The following SLC26A3 variants were observed in gnomAD, a reference collection of about 807,000 sequenced individuals.
SLC26A3 encodes solute carrier family 26 member 3, also known as chloride anion exchanger.
SLC26A3 carries 64 observed loss-of-function variants against 85.6 expected under a neutral mutation model. The ratio of observed to expected loss-of-function variants is 0.75; its 90% CI spans 0.61 to 0.92. The LOEUF (loss-of-function observed/expected upper bound fraction) is 0.92, where lower values mean the gene tolerates loss of function less well. SLC26A3 is among the 40% of genes least tolerant of loss of function. The probability of loss-of-function intolerance (pLI) is 0.00; values close to 1 mark genes in which losing one functional copy is unlikely to be tolerated. For missense variants in SLC26A3, 922 were observed against 927.3 expected (o/e 0.99, Z 0.07); for synonymous variants, 349 against 336.0 (o/e 1.04, Z -0.42).
chr7:107,787,422 C>A lies in SLC26A3; in HGVS notation c.823G>T (p.Val275Phe), dbSNP rs551523055. The A allele has an allele frequency of 1.2e-6, 2 of 1,613,946 alleles. No homozygotes were observed. Among genetic ancestry groups the A allele is most frequent in the East Asian group, 2.2e-5 (1 of 44,854 alleles). Residue 275 changes from valine (V) to phenylalanine (F), a missense_variant, in exon 7 of 21, where the codon GTT (valine) becomes TTT (phenylalanine). Transcript: ENST00000340010. ...ALIVLLVVSIVKEINQRFKDK... is the reference protein window; with the variant it reads ...ALIVLLVVSIFKEINQRFKDK... Reference sequence around the variant, plus strand: ...TTGAAGCGCTGATTTATTTCTTTAACAATGGATACAACCAAAAGGACAATC... The same window carrying A: ...TTGAAGCGCTGATTTATTTCTTTAAAAATGGATACAACCAAAAGGACAATC...
At chr7:107,797,740 C>CTTT (rs375903590) in intron 1 of SLC26A3, among the ~76,000 whole-genome samples, 1 of 127,446 alleles carries the variant, frequency 7.8e-6, no homozygotes, top group African/African-American at 3.3e-5. Context: ...TGAGCAGGAC[C>CTTT]TTTTTTTTTT....
chr7:107,789,169 T>C (rs1794350492), intron 6 of SLC26A3, among the ~76,000 whole-genome samples: 1 of 149,152 alleles, frequency 6.7e-6, no homozygotes, highest in Non-Finnish European at 1.5e-5. Context: ...CAGGCTGGAG[T>C]GCAGTGGCGT....
At chr7:107,801,555 A>G (rs1033993735) in intron 1 of SLC26A3, among the ~76,000 whole-genome samples, 2 of 152,222 alleles carry the variant, frequency 1.3e-5, no homozygotes, top group Non-Finnish European at 2.9e-5. Context: ...GAGAAGCACC[A>G]GACTGTGTTA....
chr7:107,777,982 T>C (rs1457029286), intron 13 of SLC26A3, among the ~76,000 whole-genome samples, 193 bp downstream of exon 13: 2 of 152,224 alleles, frequency 1.3e-5, no homozygotes, highest in African/African-American at 4.8e-5. Context: ...TGGGCTGATG[T>C]TCTAAAGCTG....
In SLC26A3 at chr7:107,778,273, C is replaced by G. The variant is rs1304534644; in HGVS notation, c.1416G>C (p.Trp472Cys). The stretch of plus-strand genomic sequence containing the variant: ...CAATGGTGAAGATGAAGGTCATGAT[C>G]CAAATTAACTGTGAAAAGAAAGCAA... ...WRKDKYDCLI[W>C]IMTFIFTIVL... is the part of the protein sequence containing the mutation. The change falls in exon 13 of 21, where the codon TGG becomes TGC. Residue 472 changes from tryptophan to cysteine, a missense_variant. Transcript: ENST00000340010. The G allele has an allele frequency of 6.2e-7, 1 of 1,608,224 alleles. No individual in the cohort carries two copies. Among genetic ancestry groups the G allele is most frequent in the Non-Finnish European group, 8.5e-7 (1 of 1,175,890 alleles).
intron 18 of SLC26A3, among the ~76,000 whole-genome samples, chr7:107,769,055 T>C (rs562182932): frequency 1.8e-4 from 28 of 152,108 alleles, no homozygotes; most frequent in African/African-American, 6.0e-4. Flanking sequence ...AAGGGTAAAA[T>C]TGTTAGTAAA....
intron 18 of SLC26A3, among the ~76,000 whole-genome samples, chr7:107,771,493 C>A (rs770652797): frequency 2.3e-4 from 35 of 152,142 alleles, no homozygotes; most frequent in Non-Finnish European, 3.5e-4. Context: ...GGAGAAGAAC[C>A]AATGTCAGAC....
intron 1 of SLC26A3, among the ~76,000 whole-genome samples, chr7:107,795,633 A>G (rs1794483589): frequency 6.6e-6 from 1 of 152,150 alleles, no homozygotes; most frequent in Non-Finnish European, 1.5e-5. Flanking sequence ...TGGTACCTGC[A>G]TTTTCAGACT....
At chr7:107,787,867 A>G (rs887053765) in intron 6 of SLC26A3, among the ~76,000 whole-genome samples, 3 of 152,136 alleles carry the variant, frequency 2.0e-5, no homozygotes, top group Admixed American at 6.5e-5. Flanking sequence ...TTTCACAGCC[A>G]TCACTACTCT....
rs1462288223 is a variant in SLC26A3, at chr7:107,765,753, A to G, written c.*102T>C. The G allele has an allele frequency of 1.1e-6, 1 of 908,936 alleles. No homozygotes were observed. Among genetic ancestry groups the G allele is most frequent in the Non-Finnish European group, 1.8e-6 (1 of 551,844 alleles). 56.3% of individuals were successfully genotyped at this position (908,936 alleles called of 1,614,324 possible). ...CCAAAGTTTGAAACATATTCTGTCA[A>G]AAATACTCTTCGTACAATGTATGAA... is the stretch of plus-strand genomic sequence containing the variant. On this transcript the variant is annotated 3_prime_UTR_variant, in exon 21 of 21. Transcript: ENST00000340010.
At position 107,793,965 on chromosome 7, in the gene SLC26A3, G is replaced by A. The variant is rs1794451447; in HGVS notation, c.132-84C>T. 9.7e-6 allele frequency: 15 copies of A among 1,543,340 alleles called. No homozygotes were observed. In the South Asian group the frequency reaches 1.7e-4, roughly 17 times the overall value. On this transcript the variant is annotated intron_variant, in intron 2 of 20. Coordinates refer to ENST00000340010, the MANE Select transcript of SLC26A3 (RefSeq NM_000111.3). Reference sequence around the variant, plus strand: ...TGTCGGTGGGAAATTGGTAAAGATGGTAATATGCTAAAGATTAAACTAGTA... The same window carrying A: ...TGTCGGTGGGAAATTGGTAAAGATGATAATATGCTAAAGATTAAACTAGTA...
At chr7:107,791,606 C>G (rs950037949) in intron 4 of SLC26A3, among the ~76,000 whole-genome samples, 1 of 149,770 alleles carries the variant, frequency 6.7e-6, no homozygotes, top group East Asian at 1.9e-4. Flanking sequence ...GAGCAAAACT[C>G]CGTCTCAAAA....
Position 107,782,856 on chromosome 7 carries a change from C to T in SLC26A3, c.1252G>A (p.Ala418Thr). 6.2e-7 allele frequency: 1 copy of T among 1,614,116 alleles called. No homozygotes were observed. The highest frequency in any genetic ancestry group is 8.5e-7 in the Non-Finnish European group (1 of 1,179,998). The part of the protein sequence containing the change: ...GKTQIAGLIG[A>T]IIVLIVVLAI... Reference sequence around the variant, plus strand: ...AGAACGACAATCAGCACGATGATGGCACCAATAAGCCCAGCAATCTGTGAG... The same window carrying T: ...AGAACGACAATCAGCACGATGATGGTACCAATAAGCCCAGCAATCTGTGAG... The change falls in exon 11 of 21, where the codon GCC becomes ACC. Residue 418 changes from alanine (A) to threonine (T), a missense_variant. Coordinates refer to ENST00000340010, the MANE Select transcript of SLC26A3 (RefSeq NM_000111.3).
At chr7:107,779,935 T>C (rs1294932912) in intron 11 of SLC26A3, among the ~76,000 whole-genome samples, 172 bp from the exon 12 acceptor site, 2 of 152,146 alleles carry the variant, frequency 1.3e-5, no homozygotes, top group Admixed American at 1.3e-4. Context: ...ACTGGGACTC[T>C]GACCTGTTCC....
intron 15 of SLC26A3, among the ~76,000 whole-genome samples, chr7:107,775,199 T>C (rs562120702): frequency 5.9e-5 from 9 of 152,352 alleles, no homozygotes; most frequent in African/African-American, 2.2e-4. Context: ...AATTTTATTT[T>C]ACTTATTTTC....
Position 107,766,422 on chromosome 7 carries a change from T to C in SLC26A3, c.2272-544A>G, listed in dbSNP as rs1014419455. 3.3e-5 allele frequency among the ~76,000 whole-genome samples: 5 copies of C among 152,254 alleles called. No individual in the cohort carries two copies. The South Asian group carries it at 1.0e-3, about 32-fold the overall frequency. On this transcript the variant is annotated intron_variant, in intron 20 of 20. Transcript: ENST00000340010. ...GGAGAGGGTTTCTGGTGTGAGACTT[T>C]TCTTATAAGGTACTCAGGCAAGGTG...
At chr7:107,784,728 G>A (rs955740810) in intron 8 of SLC26A3, among the ~76,000 whole-genome samples, 14 of 152,250 alleles carry the variant, frequency 9.2e-5, no homozygotes, top group South Asian at 6.2e-4. Context: ...CATGGCGCCC[G>A]TCCTTGTTCT....
Position 107,791,150 on chromosome 7 carries a change from A to G in SLC26A3, c.468T>C (p.Thr156=), listed in dbSNP as rs778947363. The change falls in exon 5 of 21, where the codon ACT becomes ACC. Residue 156 remains threonine (T), a synonymous_variant. Transcript: ENST00000340010. ...SKAVPDRNAT[T]LGLPNNSNNS... is the part of the protein sequence containing the mutation. ...TATTCGAGTTGTTAGGCAATCCCAA[A>G]GTAGTTGCATTGCGATCTGGGACTG... The G allele has an allele frequency of 3.7e-6, 6 of 1,614,076 alleles. No homozygotes were observed. In the Admixed American group the frequency reaches 1.0e-4, roughly 27 times the overall value.
At position 107,793,724 on chromosome 7, in the gene SLC26A3, A is replaced by G. The variant is rs375652263; in HGVS notation, c.271+18T>C. ...AAGAATTTTATTGTATATAAATTAT[A>G]CTTAAAAAAAATTTTACCTTGTAGT... is the stretch of plus-strand genomic sequence containing the variant. On this transcript the variant is annotated intron_variant, in intron 3 of 20. Transcript: ENST00000340010. 8.2e-6 allele frequency: 13 copies of G among 1,584,624 alleles called. No individual in the cohort carries two copies. The African/African-American group carries it at 1.6e-4, about 20-fold the overall frequency.
Sources: allele counts gnomAD v4.1 joint callset (sites outside exome capture counted in the v4.1 genomes callset), GRCh38; gene constraint gnomAD v4.1.1; transcripts MANE v1.5; gene names NCBI Gene and HGNC (gene_info 2026-07-23, HGNC 2026-07-21).